PCLO: variants seen among roughly 807,000 people sequenced by gnomAD.
The protein encoded by PCLO is protein piccolo.
Under a neutral mutation model 427.5 loss-of-function variants are expected in PCLO, and 82 were observed. The ratio of observed to expected loss-of-function variants is 0.19; its 90% CI spans 0.16 to 0.23. PCLO has a LOEUF of 0.23. Among genes scored for constraint, PCLO ranks in the 10% least tolerant of loss-of-function variants. The pLI, the probability that PCLO is intolerant of heterozygous loss-of-function variation, is 1.00. For synonymous variants in PCLO, 2,357 were observed against 2,155.4 expected (o/e 1.09, Z -2.59); for missense variants, 6,239 against 6,115.9 (o/e 1.02, Z -0.67).
In PCLO at chr7:83,155,754, G is replaced by A. The variant is rs1402765191; in HGVS notation, c.887C>T (p.Pro296Leu). 1.2e-6 allele frequency: 2 copies of A among 1,613,936 alleles called. No individual in the cohort carries two copies. Among genetic ancestry groups the A allele is most frequent in the Non-Finnish European group, 1.7e-6 (2 of 1,179,848 alleles). Residue 296 changes from proline (P) to leucine (L), a missense_variant, in exon 2 of 25, where the codon CCC becomes CTC. This residue lies in a region of PCLO where 4,677 missense variants were observed against 4,468.4 expected (regional missense o/e 1.05). Transcript: ENST00000333891. ...ADIVRGESVK[P>L]SLPSPSKPPI... ...TGGTTTGGATGGGCTTGGCAGTGAG[G>A]GTTTAACTGATTCTCCCCTTACTAT... is the stretch of plus-strand genomic sequence containing the variant.
chr7:82,927,762 C>T (rs1262039040), intron 6 of PCLO, among the ~76,000 whole-genome samples: 4 of 152,116 alleles, frequency 2.6e-5, no homozygotes, highest in Non-Finnish European at 5.9e-5. Context: ...TTACTAGGCA[C>T]TTATATTGCA....
intron 3 of PCLO, among the ~76,000 whole-genome samples, chr7:83,077,513 A>G (rs1562952497): frequency 1.3e-5 from 2 of 152,104 alleles, no homozygotes; most frequent in African/African-American, 4.8e-5. Flanking sequence ...TGGAAGCCAG[A>G]ACCAGCTTCT....
rs372241081 is a variant in PCLO, at chr7:83,113,361, G to A, written c.3300+20889C>T. On this transcript the variant is annotated intron_variant, in intron 3 of 24. Transcript: ENST00000333891. ...TGTTTTCTTTTTTCCTTGAAGCTTAGTTTCATCCATTTATCCCCCAGCCTT... is the reference window on the plus strand; with the variant it reads ...TGTTTTCTTTTTTCCTTGAAGCTTAATTTCATCCATTTATCCCCCAGCCTT... Among the ~76,000 whole-genome samples the A allele has an allele frequency of 2.6e-5, 4 of 152,188 alleles. No individual in the cohort carries two copies. In the East Asian group the frequency reaches 7.7e-4, roughly 29 times the overall value.
In PCLO at chr7:82,916,113, A is replaced by G. The variant is rs1794454522; in HGVS notation, c.11873T>C (p.Val3958Ala). The stretch of plus-strand genomic sequence containing the variant: ...AGTTTGCCGTGGCTTCTGTTGTATC[A>G]CCATCATCTGTGAAGGTAACTGATA... ...PSYQLPSQMMVIQQKPRQTTL... is the reference protein window; with the variant it reads ...PSYQLPSQMMAIQQKPRQTTL... The change falls in exon 7 of 25, where the codon GTG becomes GCG. Residue 3958 changes from valine (V) to alanine (A), a missense_variant. Transcript: ENST00000333891. 1.2e-6 allele frequency: 2 copies of G among 1,613,600 alleles called. No homozygotes were observed. Among genetic ancestry groups the G allele is most frequent in the Non-Finnish European group, 1.7e-6 (2 of 1,179,732 alleles).
intron 20 of PCLO, chr7:82,821,130 G>A: frequency 4.9e-6 from 5 of 1,028,326 alleles, no homozygotes; most frequent in Non-Finnish European, 5.8e-6. Flanking sequence ...GGCTTGACTG[G>A]TCCATCAGAC....
rs369889492 is a variant in PCLO, at chr7:82,950,329, C to A, written c.10259G>T (p.Arg3420Leu). The A allele has an allele frequency of 1.2e-6, 2 of 1,613,524 alleles. No individual in the cohort carries two copies. Among genetic ancestry groups the A allele is most frequent in the South Asian group, 1.1e-5 (1 of 91,062 alleles). ...TTCTCCCATGTCATCATACTGTCCT[C>A]GGACTTTAGCTCCAGAACTTCTCTT... ...PKKRSSGAKVRGQYDDMGENM... is the reference protein window; with the variant it reads ...PKKRSSGAKVLGQYDDMGENM... Residue 3420 changes from arginine to leucine, a missense_variant, in exon 6 of 25, where the codon CGA (arginine) becomes CTA (leucine). Around this residue, in one of 5 missense-constraint regions of PCLO, gnomAD observed 4,677 missense variants for 4,468.4 expected, o/e 1.05. Transcript: ENST00000333891.
intron 3 of PCLO, among the ~76,000 whole-genome samples, chr7:82,969,487 T>C (rs1271634348): frequency 6.6e-6 from 1 of 152,104 alleles, no homozygotes; most frequent in Non-Finnish European, 1.5e-5. Flanking sequence ...TATTTTGCAA[T>C]TATTTTTAAC....
At position 82,950,384 on chromosome 7, in the gene PCLO, C is replaced by T. The variant is rs777859443; in HGVS notation, c.10204G>A (p.Val3402Ile). 3 of 1,613,716 alleles carry T rather than the reference C, an allele frequency of 1.9e-6. No homozygotes were observed. The South Asian group carries it at 3.3e-5, about 18-fold the overall frequency. The change falls in exon 6 of 25, where the codon GTT becomes ATT. Residue 3402 changes from valine (V) to isoleucine (I), a missense_variant. Coordinates refer to ENST00000333891, the MANE Select transcript of PCLO (RefSeq NM_033026.6). ...GGTTGTTTTTCCTCTTTCACAACAA[C>T]ATCTGTTAGAGGTATTTCTGAAACA... ...STVSEIPLTDVVVKEEKQPKK... is the reference protein window; with the variant it reads ...STVSEIPLTDIVVKEEKQPKK...
chr7:83,047,010 A>T lies in PCLO; in HGVS notation c.3301-80523T>A, dbSNP rs181926718. On this transcript the variant is annotated intron_variant, in intron 3 of 24. Coordinates refer to ENST00000333891, the MANE Select transcript of PCLO (RefSeq NM_033026.6). Reference sequence around the variant, plus strand: ...TGCACCAGCTAGGTATAGTATCTTAACCTGTTCTTTCTTATCTTGAGAGCT... The same window carrying T: ...TGCACCAGCTAGGTATAGTATCTTATCCTGTTCTTTCTTATCTTGAGAGCT... Among the ~76,000 whole-genome samples the T allele has an allele frequency of 3.3e-5, 5 of 152,098 alleles. No individual in the cohort carries two copies. In the East Asian group the frequency reaches 9.6e-4, roughly 29 times the overall value.
At chr7:83,071,054 C>T (rs1484312474) in intron 3 of PCLO, among the ~76,000 whole-genome samples, 1 of 151,286 alleles carries the variant, frequency 6.6e-6, no homozygotes, top group African/African-American at 2.4e-5. Flanking sequence ...TGATAAAATA[C>T]ATGTAACATG....
intron 21 of PCLO, among the ~76,000 whole-genome samples, chr7:82,804,677 G>A (rs1323478529): frequency 6.6e-6 from 1 of 152,112 alleles, no homozygotes; most frequent in Non-Finnish European, 1.5e-5. Flanking sequence ...CACAAAAGCA[G>A]CATCAGGCAA....
chr7:82,772,688 G>T (rs912956736), intron 22 of PCLO, among the ~76,000 whole-genome samples: 6 of 151,962 alleles, frequency 3.9e-5, no homozygotes, highest in Non-Finnish European at 5.9e-5. Context: ...AAGCCAGAAA[G>T]AACACAATTT....
rs1199408161 is a variant in PCLO at position 83,078,041 on chromosome 7, C to CA, written c.3300+56208dup. On this transcript the variant is annotated intron_variant, in intron 3 of 24. Transcript: ENST00000333891. ...TCTATGCAGAGCCATTTCCAGCACT[C>CA]AGAGTACAGGAAAATATTCTGCCCT... 4.6e-5 allele frequency among the ~76,000 whole-genome samples: 7 copies of CA among 152,120 alleles called. No individual in the cohort carries two copies. The South Asian group carries it at 6.2e-4, about 13-fold the overall frequency.
intron 2 of PCLO, among the ~76,000 whole-genome samples, chr7:83,151,800 G>A (rs1008139836): frequency 1.3e-5 from 2 of 152,136 alleles, no homozygotes; most frequent in African/African-American, 4.8e-5. Flanking sequence ...GCTTCTGTTT[G>A]TGAATATACT....
chr7:83,157,383 A>C (rs1044853270), intron 1 of PCLO, among the ~76,000 whole-genome samples: 3 of 152,152 alleles, frequency 2.0e-5, no homozygotes, highest in Non-Finnish European at 4.4e-5. Flanking sequence ...CATATATCTT[A>C]CTTAGTGTTT....
chr7:83,000,427 A>T (rs1358234501), intron 3 of PCLO, among the ~76,000 whole-genome samples: 1 of 152,008 alleles, frequency 6.6e-6, no homozygotes, highest in Non-Finnish European at 1.5e-5. Flanking sequence ...CCTTGTAAGA[A>T]ATGTTAAAAG....
At chr7:82,850,402 T>C (rs1792619836) in intron 10 of PCLO, among the ~76,000 whole-genome samples, 1 of 152,156 alleles carries the variant, frequency 6.6e-6, no homozygotes, top group African/African-American at 2.4e-5. Context: ...TTTTGCTTAA[T>C]AGGCTACTAA....
Position 83,135,651 on chromosome 7 carries a change from T to A in PCLO, c.1899A>T (p.Lys633Asn), listed in dbSNP as rs751828996. The A allele has an allele frequency of 1.3e-6, 2 of 1,576,068 alleles. No individual in the cohort carries two copies. The highest frequency in any genetic ancestry group is 2.3e-5 in the South Asian group (2 of 86,646). Residue 633 changes from lysine to asparagine, a missense_variant, in exon 3 of 25, where the codon AAA (lysine) becomes AAT (asparagine). This residue lies in a region of PCLO where 4,677 missense variants were observed against 4,468.4 expected (regional missense o/e 1.05). Coordinates refer to ENST00000333891, the MANE Select transcript of PCLO (RefSeq NM_033026.6). The part of the protein sequence containing the change: ...FNPNPHLTEV[K>N]EWLCLNCQMK... ...TTTGACAGTTCAAACAGAGCCACTC[T>A]TTTACCTACAAATAATATAAAACAA...
At chr7:83,128,168 A>G (rs574804242) in intron 3 of PCLO, among the ~76,000 whole-genome samples, 111 of 152,198 alleles carry the variant, frequency 7.3e-4, no homozygotes, top group African/African-American at 2.0e-3. Flanking sequence ...TATCCAAAAG[A>G]GCCAACAATC....
Sources: allele counts gnomAD v4.1 joint callset (sites outside exome capture counted in the v4.1 genomes callset), GRCh38; gene constraint gnomAD v4.1.1; regional missense constraint gnomAD v4.1.1; transcripts MANE v1.5; gene names NCBI Gene and HGNC (gene_info 2026-07-23, HGNC 2026-07-21).